PRKG1: variants seen among roughly 807,000 people sequenced by gnomAD.
PRKG1 encodes cGMP-dependent protein kinase 1.
Under a neutral mutation model 88.1 loss-of-function variants are expected in PRKG1, and 35 were observed. The observed-to-expected ratio is 0.40, with a 90% CI of 0.30 to 0.53. The LOEUF (loss-of-function observed/expected upper bound fraction) is 0.53, where lower values mean the gene tolerates loss of function less well. Among genes scored for constraint, PRKG1 ranks in the 20% least tolerant of loss-of-function variants. The probability of loss-of-function intolerance (pLI) is 0.59; values close to 1 mark genes in which losing one functional copy is unlikely to be tolerated. For missense variants in PRKG1, 540 were observed against 839.8 expected (o/e 0.64, Z 4.41); for synonymous variants, 303 against 292.5 (o/e 1.04, Z -0.37).
At chr10:51,968,566 T>C (rs1366961922) in intron 5 of PRKG1, among the ~76,000 whole-genome samples, 3 of 151,988 alleles carry the variant, frequency 2.0e-5, no homozygotes, top group Non-Finnish European at 4.4e-5. Context: ...TTCATGCCTG[T>C]AATCCCAGCA....
intron 2 of PRKG1, among the ~76,000 whole-genome samples, chr10:51,342,969 A>G (rs774621874): frequency 3.9e-5 from 6 of 152,312 alleles, no homozygotes; most frequent in East Asian, 3.9e-4. Context: ...ACATTACCCT[A>G]TGTATTACCA....
intron 3 of PRKG1, among the ~76,000 whole-genome samples, chr10:51,729,833 C>A (rs774923589): frequency 6.6e-6 from 1 of 151,206 alleles, no homozygotes; most frequent in Admixed American, 6.6e-5. Flanking sequence ...TGCACTTATA[C>A]CCCTTTTAAA....
rs975676625 is a variant in PRKG1, at chr10:51,609,334, T to C, written c.592+141498T>C. On this transcript the variant is annotated intron_variant, in intron 3 of 17. Coordinates refer to ENST00000373980, the MANE Select transcript of PRKG1 (RefSeq NM_006258.4). The stretch of plus-strand genomic sequence containing the variant: ...CCCTGCAAACTCCATTCATTGTAAG[T>C]GCTCTATATGGGTGTGTCATTTTTT... Among the ~76,000 whole-genome samples the C allele has an allele frequency of 3.9e-5, 6 of 152,296 alleles. No individual in the cohort carries two copies. The East Asian group carries it at 9.7e-4, about 25-fold the overall frequency.
At chr10:51,157,872 T>G (rs1425227929) in intron 2 of PRKG1, among the ~76,000 whole-genome samples, 1 of 151,974 alleles carries the variant, frequency 6.6e-6, no homozygotes, top group East Asian at 1.9e-4. Context: ...TAACTTGTTT[T>G]GTTTTATTCA....
chr10:51,239,518 A>T (rs558576919), intron 2 of PRKG1, among the ~76,000 whole-genome samples: 1 of 152,284 alleles, frequency 6.6e-6, no homozygotes, highest in African/African-American at 2.4e-5. Flanking sequence ...TTGCACATTT[A>T]ATAATGTGTG....
At chr10:52,226,835 T>C (rs890866022) in intron 9 of PRKG1, among the ~76,000 whole-genome samples, 1 of 152,170 alleles carries the variant, frequency 6.6e-6, no homozygotes. Flanking sequence ...AGGGTCAACA[T>C]GTCAGTCATA....
intron 1 of PRKG1, among the ~76,000 whole-genome samples, chr10:51,121,387 A>T (rs1453927912): frequency 3.9e-5 from 6 of 152,174 alleles, no homozygotes; most frequent in Non-Finnish European, 5.9e-5. Flanking sequence ...GATACATTTA[A>T]GCATAATTTT....
At chr10:52,128,165 T>C in intron 7 of PRKG1, 2 of 985,352 alleles carry the variant, frequency 2.0e-6, no homozygotes, top group Non-Finnish European at 2.4e-6. Flanking sequence ...AGTAAAGAGC[T>C]CTGACCCCGG....
intron 2 of PRKG1, among the ~76,000 whole-genome samples, chr10:51,434,161 A>G (rs201108268): frequency 6.6e-6 from 1 of 152,084 alleles, no homozygotes; most frequent in East Asian, 1.9e-4. Flanking sequence ...GCTGAAATTC[A>G]CAGCCATAGC....
At chr10:51,699,316 A>T (rs1171740824) in intron 3 of PRKG1, 1 of 1,613,996 alleles carries the variant, frequency 6.2e-7, no homozygotes, top group South Asian at 1.1e-5. Flanking sequence ...ACTCCCGCCC[A>T]TTGAGGTTCC....
intron 17 of PRKG1, among the ~76,000 whole-genome samples, chr10:52,293,265 A>C (rs537505907): frequency 6.6e-6 from 1 of 151,566 alleles, no homozygotes; most frequent in Non-Finnish European, 1.5e-5. Context: ...TAAAAGAGGA[A>C]ACAAACAAAT....
At chr10:52,103,120 T>A (rs1163613916) in intron 7 of PRKG1, among the ~76,000 whole-genome samples, 1 of 152,204 alleles carries the variant, frequency 6.6e-6, no homozygotes, top group Non-Finnish European at 1.5e-5. Flanking sequence ...ATCTAATGCC[T>A]AATGATCTGA....
In PRKG1 at chr10:51,804,666, C is replaced by G; in HGVS notation, c.674C>G (p.Thr225Ser). ...IMMRTGLIKH[T>S]EYMEFLKSVP... Reference sequence around the variant, plus strand: ...ATGAGGACAGGACTCATCAAGCATACCGAGTATATGGAATTTTTAAAAAGG... The same window carrying G: ...ATGAGGACAGGACTCATCAAGCATAGCGAGTATATGGAATTTTTAAAAAGG... The change falls in exon 4 of 18, where the codon ACC (threonine) becomes AGC (serine). Residue 225 changes from threonine to serine, a missense_variant. Thr to Ser is a moderately conservative substitution (Grantham distance 58). Coordinates refer to ENST00000373980, the MANE Select transcript of PRKG1 (RefSeq NM_006258.4). 1 of 1,588,366 alleles carries G rather than the reference C, an allele frequency of 6.3e-7. No individual in the cohort carries two copies.
At chr10:51,671,405 G>A (rs1840572668) in intron 3 of PRKG1, among the ~76,000 whole-genome samples, 2 of 152,286 alleles carry the variant, frequency 1.3e-5, no homozygotes, top group East Asian at 3.9e-4. Context: ...GCAGGGCCAT[G>A]ATCCCTCTGT....
intron 3 of PRKG1, among the ~76,000 whole-genome samples, chr10:51,528,762 C>T (rs528531333): frequency 6.6e-5 from 10 of 151,940 alleles, no homozygotes; most frequent in African/African-American, 2.4e-4. Flanking sequence ...AGAGGACAGC[C>T]CCAGGTAGAG....
intron 4 of PRKG1, among the ~76,000 whole-genome samples, chr10:51,842,269 C>T (rs1044949165): frequency 3.3e-5 from 5 of 152,158 alleles, no homozygotes; most frequent in African/African-American, 1.2e-4. Context: ...TGAAAACTGT[C>T]AATCTGGGAT....
chr10:51,248,088 T>A (rs919142870), intron 2 of PRKG1, among the ~76,000 whole-genome samples: 1 of 151,904 alleles, frequency 6.6e-6, no homozygotes, highest in South Asian at 2.1e-4. Context: ...AGGTAGAAAG[T>A]TAGAAGGACT....
chr10:52,161,858 G>A (rs183024009), intron 8 of PRKG1, 31 bp from the exon 9 acceptor site: 1 of 1,599,490 alleles, frequency 6.3e-7, no homozygotes, highest in African/African-American at 1.3e-5. Flanking sequence ...TTTTGTAGAA[G>A]ATTAATCACT....
At chr10:51,453,820 G>A (rs188681132) in intron 2 of PRKG1, among the ~76,000 whole-genome samples, 4 of 152,102 alleles carry the variant, frequency 2.6e-5, no homozygotes, top group Admixed American at 2.6e-4. Context: ...GTTGTCCATT[G>A]ATGATATGAT....
Sources: gnomAD v4.1 joint callset for allele counts (sites outside exome capture counted in the v4.1 genomes callset) on GRCh38, gnomAD v4.1.1 for gene constraint, MANE v1.5 for transcripts, NCBI Gene and HGNC (gene_info 2026-07-23, HGNC 2026-07-21) for gene names.